MACF1: variants seen among roughly 807,000 people sequenced by gnomAD.
MACF1 encodes the protein microtubule actin crosslinking factor 1.
MACF1 carries 193 observed loss-of-function variants against 854.8 expected under a neutral mutation model. That is an observed-to-expected ratio of 0.23 (90% CI 0.20 to 0.25). MACF1 has a LOEUF of 0.25. Ranked by LOEUF, MACF1 falls within the 10% of genes least tolerant of loss-of-function variation. The probability of loss-of-function intolerance (pLI) is 1.00; values close to 1 mark genes in which losing one functional copy is unlikely to be tolerated. For synonymous variants in MACF1, 3,185 were observed against 3,226.7 expected (o/e 0.99, Z 0.44); for missense variants, 7,722 against 8,929.1 (o/e 0.86, Z 5.45).
At chr1:39,154,933 G>A (rs1038709722) in intron 2 of MACF1, among the ~76,000 whole-genome samples, 5 of 152,054 alleles carry the variant, frequency 3.3e-5, no homozygotes, top group Admixed American at 6.6e-5. Flanking sequence ...CTATTAGTCT[G>A]CCAGATCCTA....
intron 58 of MACF1, among the ~76,000 whole-genome samples, chr1:39,417,712 A>ATTTTTTTTTTTTTTTTTTTT (rs1643370130): frequency 1.5e-5 from 1 of 68,488 alleles, no homozygotes; most frequent in East Asian, 4.5e-4. Flanking sequence ...ACACCCAGTT[A>ATTTTTTTTTTTTTTTTTTTT]ATTTTTTTTT....
At chr1:39,337,583 T>TTTTTTTA (rs1646836682) in intron 38 of MACF1, among the ~76,000 whole-genome samples, 1 of 149,288 alleles carries the variant, frequency 6.7e-6, no homozygotes, top group African/African-American at 2.5e-5. Context: ...TTTTTTTTTT[T>TTTTTTTA]GAGATAGAGT....
At chr1:39,410,661 G>A in intron 58 of MACF1, 1 of 1,613,838 alleles carries the variant, frequency 6.2e-7, no homozygotes, top group South Asian at 1.1e-5. Context: ...ACAGGAGATC[G>A]TGGAAGTCCT....
intron 2 of MACF1, among the ~76,000 whole-genome samples, chr1:39,143,362 C>T (rs1643389759): frequency 6.6e-6 from 1 of 152,070 alleles, no homozygotes; most frequent in Non-Finnish European, 1.5e-5. Context: ...ATGTCTGGTT[C>T]ATTTGTAACA....
chr1:39,316,240 AC>A (rs1646410350), intron 27 of MACF1, 150 bp from the exon 28 acceptor site: 1 of 601,884 alleles, frequency 1.7e-6, no homozygotes, highest in Non-Finnish European at 2.7e-6. Context: ...AACCACATTT[AC>A]TTGTTTTCAC....
At chr1:39,297,116 C>T (rs1441141250) in intron 20 of MACF1, among the ~76,000 whole-genome samples, 4 of 151,900 alleles carry the variant, frequency 2.6e-5, no homozygotes, top group Non-Finnish European at 4.4e-5. Context: ...TTAGTAGAGA[C>T]GGGGTTTCAC....
intron 1 of MACF1, among the ~76,000 whole-genome samples, chr1:39,216,318 A>G (rs1397660829): frequency 6.6e-6 from 1 of 152,200 alleles, no homozygotes; most frequent in Non-Finnish European, 1.5e-5. Context: ...GCAAAATGAA[A>G]AGTGACAACT....
At chr1:39,366,494 C>T (rs1406489793) in intron 49 of MACF1, among the ~76,000 whole-genome samples, 2 of 151,994 alleles carry the variant, frequency 1.3e-5, no homozygotes, top group Non-Finnish European at 2.9e-5. Flanking sequence ...AGCCACTGCA[C>T]CCAATTTCAG....
At chr1:39,482,916 C>T (rs901241379) in intron 99 of MACF1, among the ~76,000 whole-genome samples, 3 of 150,888 alleles carry the variant, frequency 2.0e-5, no homozygotes, top group Non-Finnish European at 3.0e-5. Flanking sequence ...GAGTTCAAGA[C>T]CAGCCTGGGC....
rs561636172 is a variant in MACF1, at chr1:39,465,900, A to G, written c.21771+788A>G. Among the ~76,000 whole-genome samples the G allele has an allele frequency of 6.6e-5, 10 of 152,332 alleles. No homozygotes were observed. In the South Asian group the frequency reaches 2.1e-3, roughly 32 times the overall value. On this transcript the variant is annotated intron_variant, in intron 95 of 100. Coordinates refer to ENST00000564288, the MANE Select transcript of MACF1 (RefSeq NM_001394062.1). ...GAAGAACAGGGGATAAGAGAAAAAA[A>G]CTAAAGATGAGAACAAACTGGCTTT...
At chr1:39,338,098 T>C (rs1646856168) in intron 38 of MACF1, among the ~76,000 whole-genome samples, 1 of 152,126 alleles carries the variant, frequency 6.6e-6, no homozygotes, top group Non-Finnish European at 1.5e-5. Flanking sequence ...TGGTTTTGGA[T>C]TGATTTAGGT....
chr1:39,469,528 T>A lies in MACF1; in HGVS notation c.21890-19T>A. 1 of 1,536,856 alleles carries A rather than the reference T, an allele frequency of 6.5e-7. No homozygotes were observed. Among genetic ancestry groups the A allele is most frequent in the East Asian group, 2.4e-5 (1 of 40,874 alleles). On this transcript the variant is annotated intron_variant, in intron 96 of 100. Coordinates refer to ENST00000564288, the MANE Select transcript of MACF1 (RefSeq NM_001394062.1). ...CCTGCCCTGTCTGTTTCTTTCTGTT[T>A]ACGTATTTTTTATTCTAGTTCACCA...
rs1050797761 is a variant in MACF1 at position 39,084,945 on chromosome 1, T to C, written c.220+507T>C. 1.3e-5 allele frequency among the ~76,000 whole-genome samples: 2 copies of C among 152,186 alleles called. No homozygotes were observed. The highest frequency in any genetic ancestry group is 2.1e-4 in the South Asian group (1 of 4,836). ...CTTCTGTTATTTCCTTATAATGAAA[T>C]CCTTGGAGAGTACAGTTTTACTTGT... On this transcript the variant is annotated intron_variant, in intron 2 of 93. Transcript: ENST00000361689. The surrounding 1 kb of genome is among the most constrained non-coding windows in gnomAD (Gnocchi z 5.2).
chr1:39,201,009 A>C (rs1456187713), upstream of MACF1, among the ~76,000 whole-genome samples: 1 of 152,210 alleles, frequency 6.6e-6, no homozygotes, highest in Non-Finnish European at 1.5e-5. Context: ...CCCAAAAAAC[A>C]GACAGCCACA....
At chr1:39,175,542 T>C (rs1644011276) in intron 2 of MACF1, among the ~76,000 whole-genome samples, 1 of 152,210 alleles carries the variant, frequency 6.6e-6, no homozygotes, top group Non-Finnish European at 1.5e-5. Context: ...GAGCAAACTT[T>C]TGTACTGTTT....
intron 2 of MACF1, among the ~76,000 whole-genome samples, chr1:39,241,610 A>T (rs1644923611): frequency 6.8e-6 from 1 of 146,978 alleles, no homozygotes; most frequent in African/African-American, 2.5e-5. Context: ...TAGTGAGCTG[A>T]GATCACACCA....
chr1:39,104,582 G>A (rs955285973), intron 2 of MACF1, among the ~76,000 whole-genome samples: 3 of 151,962 alleles, frequency 2.0e-5, no homozygotes, highest in African/African-American at 7.3e-5. Context: ...AATTCTGGAG[G>A]GTCTATCCCC....
intron 6 of MACF1, among the ~76,000 whole-genome samples, chr1:39,262,329 A>G (rs1402825735): frequency 8.1e-6 from 1 of 122,788 alleles, no homozygotes; most frequent in African/African-American, 3.1e-5. Context: ...TGAACCCGGG[A>G]GGTGGAGGCT....
rs544947237 is a variant in MACF1, at chr1:39,300,584, C to T, written c.2634+222C>T. ...CTGCCTCAGTGATTGGCATCATTAT[C>T]TACTCAGTTGCCTAAGTGTTGACAG... On this transcript the variant is annotated intron_variant, in intron 22 of 100. Transcript: ENST00000564288. 8.5e-5 allele frequency among the ~76,000 whole-genome samples: 13 copies of T among 152,070 alleles called. No individual in the cohort carries two copies. The East Asian group carries it at 2.1e-3, about 25-fold the overall frequency.
Sources: gnomAD v4.1 joint callset for allele counts (sites outside exome capture counted in the v4.1 genomes callset) on GRCh38, gnomAD v4.1.1 for gene constraint, Gnocchi (gnomAD v3.1) non-coding constraint, MANE v1.5 for transcripts, NCBI Gene and HGNC (gene_info 2026-07-23, HGNC 2026-07-21) for gene names.